The following AFF3 variants were observed in gnomAD, a reference collection of about 807,000 sequenced individuals.
AFF3 encodes the protein AF4/FMR2 family member 3.
AFF3 carries 32 observed loss-of-function variants against 129.7 expected under a neutral mutation model. The observed-to-expected ratio is 0.25, with a 90% CI of 0.19 to 0.33. The LOEUF (loss-of-function observed/expected upper bound fraction) is 0.33, where lower values mean the gene tolerates loss of function less well. Among genes scored for constraint, AFF3 ranks in the 10% least tolerant of loss-of-function variants. The pLI is 1.00. For missense variants in AFF3, 1,373 were observed against 1,592.0 expected (o/e 0.86, Z 2.34); for synonymous variants, 644 against 635.4 (o/e 1.01, Z -0.20).
At chr2:99,901,232 G>A (rs559657008) in intron 7 of AFF3, among the ~76,000 whole-genome samples, 1 of 152,282 alleles carries the variant, frequency 6.6e-6, no homozygotes, top group Admixed American at 6.5e-5. Flanking sequence ...GATCCCTGAA[G>A]ATACCTCCCC....
chr2:99,574,969 G>C (rs1676844851), intron 18 of AFF3, among the ~76,000 whole-genome samples: 1 of 152,134 alleles, frequency 6.6e-6, no homozygotes, highest in Admixed American at 6.5e-5. Flanking sequence ...TGCTGGTGGG[G>C]AAGCTGGCAC....
At chr2:99,648,885 GCACA>G (rs1185084808) in intron 13 of AFF3, among the ~76,000 whole-genome samples, 2,016 of 93,838 alleles carry the variant, frequency 0.021, 45 homozygotes, top group Middle Eastern at 0.077. Context: ...AAACACGCGC[GCACA>G]CACACACACA....
At chr2:100,132,224 G>T (rs1573474485) in intron 1 of AFF3, among the ~76,000 whole-genome samples, 2 of 152,180 alleles carry the variant, frequency 1.3e-5, no homozygotes, top group South Asian at 2.1e-4. Context: ...ATTGCTTAGA[G>T]AGTAGATTCC....
chr2:100,087,408 C>G (rs1689533153), intron 4 of AFF3, among the ~76,000 whole-genome samples: 1 of 152,068 alleles, frequency 6.6e-6, no homozygotes. Context: ...ATGACTTGCA[C>G]AAGATCAGGA....
intron 11 of AFF3, among the ~76,000 whole-genome samples, chr2:99,691,117 C>T (rs1366275366): frequency 6.6e-6 from 1 of 152,226 alleles, no homozygotes; most frequent in Non-Finnish European, 1.5e-5. Flanking sequence ...CCTCTTCTCC[C>T]TCACCAAAAT....
intron 4 of AFF3, chr2:100,011,485 C>T: frequency 2.6e-6 from 2 of 780,898 alleles, no homozygotes; most frequent in Non-Finnish European, 4.8e-6. Flanking sequence ...GCCCCCATGC[C>T]CAAAATAATA....
At chr2:100,121,287 A>G (rs76393065) in intron 2 of AFF3, among the ~76,000 whole-genome samples, 3,908 of 152,300 alleles carry the variant, frequency 0.026, 69 homozygotes, top group Non-Finnish European at 0.038. Flanking sequence ...TGGGCTTCGG[A>G]GAATATAGTT....
chr2:99,847,759 C>T (rs1451225758), intron 7 of AFF3, among the ~76,000 whole-genome samples: 1 of 151,972 alleles, frequency 6.6e-6, no homozygotes, highest in African/African-American at 2.4e-5. Context: ...TGAATTTTCA[C>T]GTAAAACATC....
At chr2:100,047,123 G>A (rs998049978) in intron 4 of AFF3, among the ~76,000 whole-genome samples, 21 of 152,154 alleles carry the variant, frequency 1.4e-4, no homozygotes, top group Non-Finnish European at 8.8e-5. Flanking sequence ...TGGTCCCGAC[G>A]GCCACGTGGA....
At chr2:99,957,460 G>T (rs1676775341) in intron 7 of AFF3, among the ~76,000 whole-genome samples, 1 of 152,210 alleles carries the variant, frequency 6.6e-6, no homozygotes, top group Non-Finnish European at 1.5e-5. Context: ...GTGTGCTGTG[G>T]AAGGGGGAGA....
chr2:100,068,114 C>CA (rs1405405505), intron 4 of AFF3, among the ~76,000 whole-genome samples: 3 of 152,176 alleles, frequency 2.0e-5, no homozygotes, highest in African/African-American at 7.2e-5. Flanking sequence ...TCACAAGCTA[C>CA]GTGGAATTGA....
At chr2:99,859,414 C>G (rs896931478) in intron 7 of AFF3, among the ~76,000 whole-genome samples, 18 of 152,214 alleles carry the variant, frequency 1.2e-4, no homozygotes, top group Non-Finnish European at 2.6e-4. Flanking sequence ...CCTACTGAGT[C>G]AGAATCCCTG....
intron 4 of AFF3, among the ~76,000 whole-genome samples, chr2:100,015,773 C>T (rs763438757): frequency 1.3e-5 from 2 of 152,172 alleles, no homozygotes; most frequent in African/African-American, 2.4e-5. Flanking sequence ...GAAGGTAGAA[C>T]GTGGTAAAAA....
At chr2:100,127,749 G>A (rs1415549970) in intron 2 of AFF3, among the ~76,000 whole-genome samples, 4 of 152,200 alleles carry the variant, frequency 2.6e-5, no homozygotes, top group Admixed American at 2.0e-4. Context: ...CACGGAGTAG[G>A]TAGATCTTCA....
At chr2:99,884,570 T>G (rs567532044) in intron 7 of AFF3, among the ~76,000 whole-genome samples, 1 of 120,450 alleles carries the variant, frequency 8.3e-6, no homozygotes, top group South Asian at 2.8e-4. Context: ...GGCTAATTTT[T>G]GTATTTTTTT....
chr2:99,628,089 C>T (rs548198201), intron 13 of AFF3, among the ~76,000 whole-genome samples: 1 of 152,268 alleles, frequency 6.6e-6, no homozygotes, highest in East Asian at 1.9e-4. Flanking sequence ...TAGTTTATTT[C>T]TAATTCTTTG....
intron 7 of AFF3, among the ~76,000 whole-genome samples, chr2:99,852,113 G>C (rs761965036): frequency 6.6e-6 from 1 of 151,880 alleles, no homozygotes; most frequent in Non-Finnish European, 1.5e-5. Context: ...CATTTAAAAA[G>C]AAAAAAATAT....
intron 8 of AFF3, among the ~76,000 whole-genome samples, chr2:99,793,367 G>A (rs982933281): frequency 3.3e-5 from 5 of 152,138 alleles, no homozygotes; most frequent in Non-Finnish European, 7.3e-5. Context: ...TCTTTTCTTT[G>A]TAAATTTCCC....
chr2:99,820,638 TTTC>T (rs1418351885), intron 8 of AFF3, among the ~76,000 whole-genome samples: 4 of 150,480 alleles, frequency 2.7e-5, no homozygotes, highest in East Asian at 1.9e-4. Context: ...ACTTTTAAAG[TTTC>T]TTAACTTTTT....
Sources: allele counts gnomAD v4.1 joint callset (sites outside exome capture counted in the v4.1 genomes callset), GRCh38; gene constraint gnomAD v4.1.1; transcripts MANE v1.5; gene names NCBI Gene and HGNC (gene_info 2026-07-23, HGNC 2026-07-21).